DACH2: variants seen among roughly 807,000 people sequenced by gnomAD.
The protein encoded by DACH2 is dachshund family transcription factor 2.
In DACH2, 17 loss-of-function variants were observed where a neutral mutation model predicts 35.8. The ratio of observed to expected loss-of-function variants is 0.48; its 90% CI spans 0.33 to 0.71. The LOEUF is 0.71. DACH2 is among the 30% of genes least tolerant of loss of function. The pLI is 0.02. For missense variants in DACH2, 469 were observed against 472.7 expected, an observed-to-expected ratio of 0.99 and a Z score of 0.07; for synonymous variants, 195 against 177.3, an observed-to-expected ratio of 1.10 and a Z score of -0.79.
At chrX:86,729,930 A>G (rs5923619) in intron 6 of DACH2, among the ~76,000 whole-genome samples, 1 of 108,798 alleles carries the variant, frequency 9.2e-6, no homozygotes, top group South Asian at 3.9e-4. Flanking sequence ...ATTTTTTTTT[A>G]TAAATTACCC....
At chrX:86,398,329 CA>C (rs1396764812) in intron 2 of DACH2, among the ~76,000 whole-genome samples, 5 of 104,539 alleles carry the variant, frequency 4.8e-5, no homozygotes, top group African/African-American at 1.7e-4. Flanking sequence ...TTGATCTTTT[CA>C]AAAAACCAGC....
intron 3 of DACH2, among the ~76,000 whole-genome samples, chrX:86,544,151 T>G (rs1326380481): frequency 9.0e-6 from 1 of 110,794 alleles, no homozygotes; most frequent in Non-Finnish European, 1.9e-5. Context: ...TGAGATGATG[T>G]AAAGAGACCA....
intron 7 of DACH2, among the ~76,000 whole-genome samples, chrX:86,770,837 G>A (rs943086478): frequency 8.9e-6 from 1 of 112,405 alleles, no homozygotes; most frequent in African/African-American, 3.2e-5. Context: ...ACCTAATACA[G>A]TGTCATATGC....
intron 3 of DACH2, among the ~76,000 whole-genome samples, chrX:86,555,596 A>AT (rs1438816337): frequency 9.0e-6 from 1 of 111,591 alleles, no homozygotes; most frequent in Non-Finnish European, 1.9e-5. Flanking sequence ...TTAAGCAAAT[A>AT]TTTTTTAAAT....
At chrX:86,660,233 A>G (rs1408424891) in intron 4 of DACH2, among the ~76,000 whole-genome samples, 3 of 111,193 alleles carry the variant, frequency 2.7e-5, no homozygotes, top group East Asian at 2.9e-4. Context: ...AAACCTTAGT[A>G]AAGTCAAAAT....
intron 1 of DACH2, among the ~76,000 whole-genome samples, chrX:86,286,093 C>T (rs432136): frequency 3.1e-5 from 3 of 96,553 alleles, no homozygotes; most frequent in African/African-American, 1.1e-4. Context: ...GGTTCTTGTT[C>T]TTCCATCCAT....
intron 1 of DACH2, among the ~76,000 whole-genome samples, chrX:86,170,059 C>T (rs749369027): frequency 2.7e-5 from 3 of 111,887 alleles, no homozygotes; most frequent in African/African-American, 9.8e-5. Context: ...CACCCCAAGT[C>T]TAGTACTGCT....
At chrX:86,614,681 G>A (rs889065645) in intron 3 of DACH2, among the ~76,000 whole-genome samples, 1 of 111,174 alleles carries the variant, frequency 9.0e-6, no homozygotes, top group African/African-American at 3.3e-5. Flanking sequence ...AACAGCAGAG[G>A]GATCAGGTAG....
intron 2 of DACH2, among the ~76,000 whole-genome samples, chrX:86,507,941 T>C (rs1602592595): frequency 9.0e-6 from 1 of 111,246 alleles, no homozygotes; most frequent in East Asian, 2.8e-4. Flanking sequence ...CATATTATGA[T>C]GGAACAAAAA....
chrX:86,236,874 C>T (rs756338056), intron 1 of DACH2, among the ~76,000 whole-genome samples: 130 of 112,169 alleles, frequency 1.2e-3, no homozygotes, highest in African/African-American at 4.1e-3. Context: ...GAGTTTATTT[C>T]TTGAATAATA....
chrX:86,720,339 C>T (rs1368569887), intron 6 of DACH2, among the ~76,000 whole-genome samples: 1 of 111,177 alleles, frequency 9.0e-6, no homozygotes, highest in East Asian at 2.8e-4. Context: ...GCCTATGAGT[C>T]TGTAAAATGA....
At chrX:86,315,502 G>A (rs192801073) in intron 1 of DACH2, among the ~76,000 whole-genome samples, 2 of 111,396 alleles carry the variant, frequency 1.8e-5, no homozygotes, top group African/African-American at 3.3e-5. Context: ...ATTTTGTAAG[G>A]CTATAGCGGC....
intron 3 of DACH2, among the ~76,000 whole-genome samples, chrX:86,517,490 C>G (rs1275559797): frequency 1.9e-5 from 2 of 105,764 alleles, no homozygotes; most frequent in African/African-American, 7.0e-5. Flanking sequence ...AATCTCGGCT[C>G]ACTGCAACCT....
intron 1 of DACH2, among the ~76,000 whole-genome samples, chrX:86,198,026 C>T (rs930948433): frequency 1.8e-5 from 2 of 111,664 alleles, no homozygotes; most frequent in African/African-American, 6.5e-5. Context: ...AAACACTTCT[C>T]AACAAAGGCC....
chrX:86,229,585 C>T lies in DACH2; in HGVS notation c.488+80477C>T, dbSNP rs1003696339. ...TATGGTCATTTTCACAATATTGATT[C>T]TACCCATCCATAAGCATGGATATGT... On this transcript the variant is annotated intron_variant, in intron 1 of 11. Transcript: ENST00000373125. 2.7e-5 allele frequency among the ~76,000 whole-genome samples: 3 copies of T among 111,971 alleles called. No individual in the cohort carries two copies. The South Asian group carries it at 1.1e-3, about 42-fold the overall frequency.
At chrX:86,578,720 C>T (rs2039466252) in intron 3 of DACH2, among the ~76,000 whole-genome samples, 1 of 111,597 alleles carries the variant, frequency 9.0e-6, no homozygotes, top group South Asian at 3.7e-4. Context: ...AATGAAGTTG[C>T]TGTAAAAATT....
intron 3 of DACH2, among the ~76,000 whole-genome samples, chrX:86,637,206 CAAAAAAAA>C (rs772970002): frequency 1.3e-4 from 1 of 7,757 alleles, no homozygotes; most frequent in Non-Finnish European, 2.4e-4. Flanking sequence ...ACTGAAAAGC[CAAAAAAAA>C]AAAAAAAAAA....
intron 2 of DACH2, among the ~76,000 whole-genome samples, chrX:86,389,191 T>C (rs894307037): frequency 1.8e-5 from 2 of 112,186 alleles, no homozygotes; most frequent in Admixed American, 9.5e-5. Context: ...CTTTATTTGA[T>C]TGAAATGAAT....
intron 2 of DACH2, among the ~76,000 whole-genome samples, chrX:86,495,216 A>AT (rs934109875): frequency 2.1e-4 from 22 of 104,397 alleles, no homozygotes; most frequent in South Asian, 4.3e-4. Context: ...CCTGGTTATT[A>AT]TTTTTTTTTT....
Sources: allele counts gnomAD v4.1 joint callset (sites outside exome capture counted in the v4.1 genomes callset), GRCh38; gene constraint gnomAD v4.1.1; transcripts MANE v1.5; gene names NCBI Gene and HGNC (gene_info 2026-07-23, HGNC 2026-07-21).